ABCC1: variants seen among roughly 807,000 people sequenced by gnomAD.
ABCC1 encodes the protein multidrug resistance-associated protein 1.
A neutral mutation model predicts 172.9 loss-of-function variants in ABCC1; 83 were observed. The observed-to-expected ratio is 0.48, with a 90% CI of 0.40 to 0.58. The LOEUF (loss-of-function observed/expected upper bound fraction) is 0.58, where lower values mean the gene tolerates loss of function less well. ABCC1 is among the 20% of genes least tolerant of loss of function. The pLI is 0.00. For missense variants in ABCC1, 1,817 were observed against 2,002.7 expected (o/e 0.91, Z 1.77); for synonymous variants, 937 against 825.2 (o/e 1.14, Z -2.32).
At chr16:16,079,759 T>C (rs550257717) in intron 16 of ABCC1, among the ~76,000 whole-genome samples, 1 of 152,160 alleles carries the variant, frequency 6.6e-6, no homozygotes, top group African/African-American at 2.4e-5. Flanking sequence ...AATAAATATT[T>C]ATTTTGTTAC....
At chr16:16,072,779 C>T (rs563526733) in intron 14 of ABCC1, among the ~76,000 whole-genome samples, 3 of 151,898 alleles carry the variant, frequency 2.0e-5, no homozygotes, top group South Asian at 4.2e-4. Context: ...CAGTGGCTCA[C>T]GCCTGTAATC....
At position 16,014,591 on chromosome 16, in the gene ABCC1, C is replaced by T. The variant is rs757846244; in HGVS notation, c.452C>T (p.Ala151Val). The T allele has an allele frequency of 6.2e-7, 1 of 1,614,034 alleles. No individual in the cohort carries two copies. Among genetic ancestry groups the T allele is most frequent in the Non-Finnish European group, 8.5e-7 (1 of 1,180,004 alleles). Reference sequence around the variant, plus strand: ...CTGGTAGCCCTAGTGTGTGCCCTAGCCATCCTGAGATCCAAAATTATGACA... The same window carrying T: ...CTGGTAGCCCTAGTGTGTGCCCTAGTCATCCTGAGATCCAAAATTATGACA... ...FWLVALVCAL[A>V]ILRSKIMTAL... is the part of the protein sequence containing the mutation. The change falls in exon 4 of 31, where the codon GCC becomes GTC. Residue 151 changes from alanine to valine, a missense_variant. Physicochemically the swap from Ala to Val is moderately conservative, Grantham distance 64. Transcript: ENST00000399410.
At chr16:16,045,756 T>G (rs1255584176) in intron 8 of ABCC1, 80 bp from the exon 9 acceptor site, 1 of 1,386,184 alleles carries the variant, frequency 7.2e-7, no homozygotes, top group Non-Finnish European at 1.0e-6. Context: ...AGGAGAAAGT[T>G]GCAGTGCCAA....
chr16:16,018,830 G>C (rs1383496164), intron 5 of ABCC1, among the ~76,000 whole-genome samples: 1 of 151,900 alleles, frequency 6.6e-6, no homozygotes. Flanking sequence ...TTTGTGTTGT[G>C]TGTGCTTGCA....
chr16:16,121,278 A>C (rs1666180971), intron 23 of ABCC1, among the ~76,000 whole-genome samples: 1 of 152,184 alleles, frequency 6.6e-6, no homozygotes, highest in African/African-American at 2.4e-5. Flanking sequence ...CCTGGCCTCA[A>C]GTGATCTCCC....
chr16:16,125,241 T>G (rs573122539), intron 25 of ABCC1, among the ~76,000 whole-genome samples: 1 of 152,288 alleles, frequency 6.6e-6, no homozygotes, highest in Non-Finnish European at 1.5e-5. Context: ...TGATACATTG[T>G]GTTTTCATAT....
chr16:16,036,364 C>T (rs967830246), intron 6 of ABCC1, 108 bp from the exon 7 acceptor site: 3 of 1,065,356 alleles, frequency 2.8e-6, no homozygotes, highest in East Asian at 2.6e-5. Flanking sequence ...GGCAGCTGTG[C>T]TGCAGAGGGG....
At chr16:16,107,273 T>C (rs2052167139) in intron 21 of ABCC1, among the ~76,000 whole-genome samples, 1 of 152,022 alleles carries the variant, frequency 6.6e-6, no homozygotes, top group African/African-American at 2.4e-5. Flanking sequence ...CAGAGGAATG[T>C]TTGTTTCATT....
Position 16,092,541 on chromosome 16 carries a change from A to T in ABCC1, c.2644+1953A>T, listed in dbSNP as rs543914273. 2.9e-4 allele frequency among the ~76,000 whole-genome samples: 44 copies of T among 152,318 alleles called. 1 individual carries two copies. The highest frequency in any genetic ancestry group is 2.1e-3 in the South Asian group (10 of 4,826). On this transcript the variant is annotated intron_variant, in intron 19 of 30. Coordinates refer to ENST00000399410, the MANE Select transcript of ABCC1 (RefSeq NM_004996.4). ...AGCGTGGTGTTTTCAAGGTTCGTCT[A>T]TGTTGTAGCTTCATTTCCTTTTATT...
rs1459486879 is a variant in ABCC1, at chr16:16,033,068, C to A, written c.616-41C>A. The A allele has an allele frequency of 5.0e-6, 8 of 1,593,880 alleles. No homozygotes were observed. The East Asian group carries it at 1.8e-4, about 36-fold the overall frequency. ...ACCTGGATGAAAAGTCAAATCATTC[C>A]TTTCCCTCTTCCTCCCAAACCTGTG... On this transcript the variant is annotated intron_variant, in intron 5 of 30. Transcript: ENST00000399410.
At chr16:16,108,163 A>G (rs981798197) in intron 21 of ABCC1, among the ~76,000 whole-genome samples, 2 of 151,896 alleles carry the variant, frequency 1.3e-5, no homozygotes, top group Admixed American at 1.3e-4. Flanking sequence ...TTTAATCCTC[A>G]TTTAACTCCA....
intron 1 of ABCC1, among the ~76,000 whole-genome samples, chr16:15,963,589 T>C (rs932997915): frequency 3.9e-5 from 6 of 152,228 alleles, no homozygotes; most frequent in East Asian, 1.9e-4. Flanking sequence ...TTTAGTTCTA[T>C]GTACCCACAG....
intron 20 of ABCC1, among the ~76,000 whole-genome samples, chr16:16,103,347 A>T (rs8048485): frequency 0.03 from 4,598 of 152,248 alleles, 236 homozygotes; most frequent in African/African-American, 0.11. Flanking sequence ...CGGGAGGCTG[A>T]GGCGGGCGGA....
chr16:16,022,935 A>G (rs2048243241), intron 5 of ABCC1, among the ~76,000 whole-genome samples: 1 of 152,098 alleles, frequency 6.6e-6, no homozygotes, highest in Non-Finnish European at 1.5e-5. Context: ...TTTTTGAGAT[A>G]GGGTCTCACT....
intron 1 of ABCC1, among the ~76,000 whole-genome samples, chr16:15,955,230 C>T (rs215104): frequency 0.12 from 18,724 of 152,208 alleles, 1,452 homozygotes; most frequent in East Asian, 0.33. Context: ...GTGGTGGGCG[C>T]CTGTAATCCC....
chr16:15,956,557 A>C (rs1014753711), intron 1 of ABCC1, among the ~76,000 whole-genome samples: 4 of 151,938 alleles, frequency 2.6e-5, no homozygotes, highest in Non-Finnish European at 4.4e-5. Context: ...GGCTGGTCTC[A>C]AACTCCTGGC....
intron 1 of ABCC1, among the ~76,000 whole-genome samples, chr16:15,998,118 A>T (rs1274006646): frequency 6.8e-6 from 1 of 147,482 alleles, no homozygotes; most frequent in African/African-American, 2.5e-5. Flanking sequence ...CACTGCGCCC[A>T]GTCCCGATAC....
In ABCC1 at chr16:16,138,512, G is replaced by A. The variant is rs199815778; in HGVS notation, c.4441G>A (p.Val1481Ile). The change falls in exon 30 of 31, where the codon GTC becomes ATC. Residue 1481 changes from valine to isoleucine, a missense_variant. This residue lies in a region of ABCC1 where 1,412 missense variants were observed against 1,600.3 expected (regional missense o/e 0.88). Transcript: ENST00000399410. ...TIRTQFEDCT[V>I]LTIAHRLNTI... ...CCGGACACAGTTCGAGGACTGCACC[G>A]TCCTCACCATCGCCCACCGGCTCAA... 365 of 1,588,196 alleles carry A rather than the reference G, an allele frequency of 2.3e-4. 3 individuals carry two copies. The African/African-American group carries it at 3.8e-3, about 16-fold the overall frequency.
At chr16:16,109,972 C>A (rs1425156964) in intron 21 of ABCC1, among the ~76,000 whole-genome samples, 1 of 152,196 alleles carries the variant, frequency 6.6e-6, no homozygotes, top group African/African-American at 2.4e-5. Flanking sequence ...TCCTTGCTGC[C>A]CCATGATCTC....
Sources: allele counts gnomAD v4.1 joint callset (sites outside exome capture counted in the v4.1 genomes callset), GRCh38; gene constraint gnomAD v4.1.1; regional missense constraint gnomAD v4.1.1; transcripts MANE v1.5; gene names NCBI Gene and HGNC (gene_info 2026-07-23, HGNC 2026-07-21).